The following MAGI1 variants were observed in gnomAD, a reference collection of about 807,000 sequenced individuals.
MAGI1 encodes membrane associated guanylate kinase, WW and PDZ domain containing 1, also known as membrane-associated guanylate kinase, WW and PDZ domain-containing protein 1.
A neutral mutation model predicts 139.9 loss-of-function variants in MAGI1; 58 were observed. That is an observed-to-expected ratio of 0.41 (90% CI 0.34 to 0.52). The LOEUF is 0.52. Among genes scored for constraint, MAGI1 ranks in the 20% least tolerant of loss-of-function variants. The probability of loss-of-function intolerance (pLI) is 0.12; values close to 1 mark genes in which losing one functional copy is unlikely to be tolerated. For synonymous variants in MAGI1, 812 were observed against 737.9 expected (o/e 1.10, Z -1.63); for missense variants, 1,874 against 1,901.6 (o/e 0.99, Z 0.27).
At position 65,978,349 on chromosome 3, in the gene MAGI1, T is replaced by G. The variant is rs1359166676; in HGVS notation, c.313+59647A>C. On this transcript the variant is annotated intron_variant, in intron 1 of 22. Coordinates refer to ENST00000402939, the MANE Select transcript of MAGI1 (RefSeq NM_001033057.2). The stretch of plus-strand genomic sequence containing the variant: ...TTTGTGGCTCTAGAATCCACACTGA[T>G]AAGTAGGAAATTCTGCCTCCTTCCC... Among the ~76,000 whole-genome samples, 5 of 152,180 alleles carry G rather than the reference T, an allele frequency of 3.3e-5. No homozygotes were observed. The East Asian group carries it at 9.6e-4, about 29-fold the overall frequency.
chr3:65,993,955 C>A (rs1465677296), intron 1 of MAGI1, among the ~76,000 whole-genome samples: 5 of 152,088 alleles, frequency 3.3e-5, no homozygotes, highest in Non-Finnish European at 7.3e-5. Context: ...TAAGAGAGGA[C>A]AACCCACAGC....
chr3:65,418,011 G>A (rs1187675962), intron 12 of MAGI1, among the ~76,000 whole-genome samples: 1 of 152,166 alleles, frequency 6.6e-6, no homozygotes, highest in East Asian at 1.9e-4. Flanking sequence ...CACCGTTGGA[G>A]AAAGGGGGCA....
chr3:65,589,011 TAAGAA>T (rs977498538), intron 2 of MAGI1, among the ~76,000 whole-genome samples: 2 of 152,194 alleles, frequency 1.3e-5, no homozygotes, highest in African/African-American at 4.8e-5. Context: ...AATGTTAGCT[TAAGAA>T]GAGAACCATC....
chr3:65,551,066 C>T (rs2079804794), intron 2 of MAGI1, among the ~76,000 whole-genome samples: 1 of 152,186 alleles, frequency 6.6e-6, no homozygotes, highest in Non-Finnish European at 1.5e-5. Flanking sequence ...GACCTGTAAT[C>T]CCCATGTGTG....
chr3:65,776,247 C>CTTTT lies in MAGI1; in HGVS notation c.314-154163_314-154160dup, dbSNP rs5849693. On this transcript the variant is annotated intron_variant, in intron 1 of 22. Coordinates refer to ENST00000402939, the MANE Select transcript of MAGI1 (RefSeq NM_001033057.2). Reference sequence around the variant, plus strand: ...ACACTACTGGCATATAGTTGGGTTTCTTTTTTTTTTTTTTTATGGCTTCTG... The same window carrying CTTTT: ...ACACTACTGGCATATAGTTGGGTTTCTTTTTTTTTTTTTTTTTTTATGGCTTCTG... Among the ~76,000 whole-genome samples, 88 of 141,544 alleles carry CTTTT rather than the reference C, an allele frequency of 6.2e-4. 1 individual carries two copies. Among genetic ancestry groups the CTTTT allele is most frequent in the African/African-American group, 2.1e-3 (83 of 38,688 alleles). 92.9% of individuals were successfully genotyped at this position (141,544 alleles called of 152,430 possible).
chr3:65,962,946 A>C (rs2064521781), intron 1 of MAGI1, among the ~76,000 whole-genome samples: 1 of 151,424 alleles, frequency 6.6e-6, no homozygotes, highest in South Asian at 2.1e-4. Flanking sequence ...CAGCAAAAAA[A>C]AAAAAAAAGT....
At chr3:65,694,068 G>A (rs796450577) in intron 1 of MAGI1, among the ~76,000 whole-genome samples, 11 of 152,220 alleles carry the variant, frequency 7.2e-5, no homozygotes, top group African/African-American at 2.4e-4. Context: ...AAAATATACA[G>A]ACAGGTTATT....
chr3:65,440,001 C>T lies in MAGI1; in HGVS notation c.1148G>A (p.Arg383Lys). Residue 383 changes from arginine (R) to lysine (K), a missense_variant, in exon 9 of 23, where the codon AGG (arginine) becomes AAG (lysine). Around this residue, in one of 5 missense-constraint regions of MAGI1, gnomAD observed 648 missense variants for 598.1 expected, o/e 1.08. Coordinates refer to ENST00000402939, the MANE Select transcript of MAGI1 (RefSeq NM_001033057.2). ...YGIYYVDHINRKTQYENPVLE... is the reference protein window; with the variant it reads ...YGIYYVDHINKKTQYENPVLE... ...AACCGGGTTCTCATATTGTGTCTTC[C>T]TGTTGATGTGGCTGGGGAAGATAGC... 2 of 1,613,982 alleles carry T rather than the reference C, an allele frequency of 1.2e-6. No individual in the cohort carries two copies. The highest frequency in any genetic ancestry group is 8.5e-7 in the Non-Finnish European group (1 of 1,179,982).
At position 65,999,968 on chromosome 3, in the gene MAGI1, C is replaced by G. The variant is rs1034342942; in HGVS notation, c.313+38028G>C. ...CTGGTTAATCAGGTCTTGTTCCCCC[C>G]ACGCTTTTTTTTTTTTTTTTTTGAT... On this transcript the variant is annotated intron_variant, in intron 1 of 22. Coordinates refer to ENST00000402939, the MANE Select transcript of MAGI1 (RefSeq NM_001033057.2). Among the ~76,000 whole-genome samples the G allele has an allele frequency of 7.7e-5, 10 of 129,218 alleles. No homozygotes were observed. The East Asian group carries it at 1.3e-3, about 17-fold the overall frequency. The allele number at this position is 129,218 out of a possible 152,430, so 84.8% of individuals were successfully genotyped here. A position where few individuals can be genotyped will look rare whatever the true frequency, so the allele number is the denominator to read the frequency against.
chr3:65,795,694 G>C (rs894477162), intron 1 of MAGI1, among the ~76,000 whole-genome samples: 3 of 62,518 alleles, frequency 4.8e-5, no homozygotes, highest in East Asian at 3.2e-3. Context: ...AAGATGATAA[G>C]ATACACACAC....
intron 1 of MAGI1, among the ~76,000 whole-genome samples, chr3:65,882,255 C>A (rs2060356804): frequency 6.6e-6 from 1 of 152,138 alleles, no homozygotes; most frequent in Admixed American, 6.5e-5. Context: ...GTAACAGAAA[C>A]CAACTCTGCC....
At chr3:65,825,609 T>C (rs2042180786) in intron 1 of MAGI1, among the ~76,000 whole-genome samples, 1 of 152,188 alleles carries the variant, frequency 6.6e-6, no homozygotes, top group East Asian at 1.9e-4. Context: ...AGTTATGCAA[T>C]GGACTTCTAA....
intron 2 of MAGI1, among the ~76,000 whole-genome samples, chr3:65,598,351 TG>T (rs2082326317): frequency 6.6e-6 from 1 of 152,022 alleles, no homozygotes; most frequent in Non-Finnish European, 1.5e-5. Context: ...TGCGACATGC[TG>T]GAGGCTGAGT....
intron 1 of MAGI1, among the ~76,000 whole-genome samples, chr3:65,868,537 A>T (rs78492862): frequency 0.017 from 2,620 of 152,300 alleles, 75 homozygotes; most frequent in African/African-American, 0.06. Context: ...TCATTGTATC[A>T]GTTATGGGGT....
At chr3:65,858,552 C>T (rs2059443164) in intron 1 of MAGI1, among the ~76,000 whole-genome samples, 1 of 152,198 alleles carries the variant, frequency 6.6e-6, no homozygotes, top group Non-Finnish European at 1.5e-5. Context: ...TGCTTCTTCC[C>T]AGAAGGAAAT....
intron 1 of MAGI1, among the ~76,000 whole-genome samples, chr3:65,833,855 C>T (rs1271800454): frequency 6.6e-6 from 1 of 152,206 alleles, no homozygotes; most frequent in Non-Finnish European, 1.5e-5. Context: ...GGGGCTAGAT[C>T]TCTTAGTTTC....
At chr3:65,903,309 C>A (rs174652) in intron 1 of MAGI1, among the ~76,000 whole-genome samples, 3 of 151,960 alleles carry the variant, frequency 2.0e-5, no homozygotes, top group Non-Finnish European at 4.4e-5. Context: ...AATATTAGTA[C>A]AGGAGTGGCA....
intron 1 of MAGI1, among the ~76,000 whole-genome samples, chr3:65,927,788 C>G (rs547095838): frequency 1.3e-5 from 2 of 152,222 alleles, no homozygotes; most frequent in African/African-American, 4.8e-5. Flanking sequence ...AGAAGGGACT[C>G]TTAGGCTCAT....
intron 1 of MAGI1, among the ~76,000 whole-genome samples, chr3:65,892,965 A>G (rs996607085): frequency 6.6e-5 from 10 of 152,202 alleles, no homozygotes; most frequent in Non-Finnish European, 1.5e-4. Flanking sequence ...TTTAGCCTGA[A>G]AGTAAAACTG....
Sources: allele counts gnomAD v4.1 joint callset (sites outside exome capture counted in the v4.1 genomes callset), GRCh38; gene constraint gnomAD v4.1.1; regional missense constraint gnomAD v4.1.1; transcripts MANE v1.5; gene names NCBI Gene and HGNC (gene_info 2026-07-23, HGNC 2026-07-21).